Variants in PPIG observed in about 807,000 individuals in gnomAD.
PPIG encodes peptidyl-prolyl cis-trans isomerase G.
A neutral mutation model predicts 87.9 loss-of-function variants in PPIG; 26 were observed. The observed-to-expected ratio is 0.30, with a 90% CI of 0.22 to 0.41. The LOEUF (loss-of-function observed/expected upper bound fraction) is 0.41, where lower values mean the gene tolerates loss of function less well. Ranked by LOEUF, PPIG falls within the 10% of genes least tolerant of loss-of-function variation. The probability of loss-of-function intolerance (pLI) is 1.00; values close to 1 mark genes in which losing one functional copy is unlikely to be tolerated. For missense variants in PPIG, 722 were observed against 879.4 expected (o/e 0.82, Z 2.26); for synonymous variants, 308 against 276.5 (o/e 1.11, Z -1.13).
In PPIG at chr2:169,606,056, A is replaced by G; in HGVS notation, c.154A>G (p.Lys52Glu). The change falls in exon 5 of 14, where the codon AAA (lysine) becomes GAA (glutamate). Residue 52 changes from lysine to glutamate, a missense_variant. Lys to Glu is a moderately conservative substitution (Grantham distance 56, BLOSUM62 1). Coordinates refer to ENST00000260970, the MANE Select transcript of PPIG (RefSeq NM_004792.3). Reference sequence around the variant, plus strand: ...CTCTATAGGTGAAAAGGGGACCGGGAAATCAACTCAGAAACCATTACATTA... The same window carrying G: ...CTCTATAGGTGAAAAGGGGACCGGGGAATCAACTCAGAAACCATTACATTA... ...CLCTGEKGTG[K>E]STQKPLHYKS... 1 of 1,611,846 alleles carries G rather than the reference A, an allele frequency of 6.2e-7. No homozygotes were observed. Among genetic ancestry groups the G allele is most frequent in the East Asian group, 2.2e-5 (1 of 44,830 alleles).
chr2:169,633,285 C>A, intron 12 of PPIG, 38 bp downstream of exon 12: 1 of 1,393,506 alleles, frequency 7.2e-7, no homozygotes, highest in Non-Finnish European at 1.0e-6. Flanking sequence ...CACAATATTG[C>A]ATTTGTCTTC....
At chr2:169,617,110 A>T (rs1685625670) in intron 9 of PPIG, among the ~76,000 whole-genome samples, 1 of 152,224 alleles carries the variant, frequency 6.6e-6, no homozygotes, top group Non-Finnish European at 1.5e-5. Context: ...CCATTTACTA[A>T]ATAGGAATCC....
At chr2:169,592,497 G>A (rs1684896168) in intron 1 of PPIG, among the ~76,000 whole-genome samples, 1 of 151,724 alleles carries the variant, frequency 6.6e-6, no homozygotes, top group Non-Finnish European at 1.5e-5. Context: ...GGGGAGACGG[G>A]GTTTCACCAT....
At chr2:169,592,848 G>C (rs1227791905) in intron 1 of PPIG, among the ~76,000 whole-genome samples, 1 of 152,146 alleles carries the variant, frequency 6.6e-6, no homozygotes, top group Admixed American at 6.6e-5. Flanking sequence ...TAGCATTTCA[G>C]TAATGTTAGC....
Position 169,636,550 on chromosome 2 carries a change from C to T in PPIG, c.1292C>T (p.Ser431Phe), listed in dbSNP as rs765415648. The T allele has an allele frequency of 8.1e-6, 13 of 1,608,984 alleles. No individual in the cohort carries two copies. In the Admixed American group the frequency reaches 1.5e-4, roughly 19 times the overall value. Reference protein sequence around the residue: ...EKEKKVKDHKSNSKERDIRRN... With the variant: ...EKEKKVKDHKFNSKERDIRRN... ...GAGAAGAAAGTTAAAGACCATAAAT[C>T]TAACAGCAAAGAGAGAGACATCAGA... The change falls in exon 14 of 14, where the codon TCT becomes TTT. Residue 431 changes from serine to phenylalanine, a missense_variant. Coordinates refer to ENST00000260970, the MANE Select transcript of PPIG (RefSeq NM_004792.3).
At position 169,630,929 on chromosome 2, in the gene PPIG, C is replaced by A. The variant is rs781088014; in HGVS notation, c.703C>A (p.Arg235=). 1.3e-6 allele frequency: 2 copies of A among 1,599,684 alleles called. No individual in the cohort carries two copies. Among genetic ancestry groups the A allele is most frequent in the South Asian group, 2.3e-5 (2 of 86,734 alleles). ...EKSKKRKKKH[R]KNSRKHKKEK... ...ATCAAAGAAAAGAAAAAAGAAACAT[C>A]GGAAAAATTCCCGAAAACACAAGAA... is the stretch of plus-strand genomic sequence containing the variant. Residue 235 remains arginine, a synonymous_variant, in exon 10 of 14, where the codon CGG becomes AGG. Coordinates refer to ENST00000260970, the MANE Select transcript of PPIG (RefSeq NM_004792.3).
Position 169,622,779 on chromosome 2 carries a change from T to C in PPIG, c.548-7995T>C, listed in dbSNP as rs1410226634. On this transcript the variant is annotated intron_variant, in intron 9 of 13. Transcript: ENST00000260970. ...TTCAGAACATTGGTCAGAGTAGATT[T>C]TGTCATGCATCTTACATATAAGCAG... Among the ~76,000 whole-genome samples the C allele has an allele frequency of 2.6e-5, 4 of 152,224 alleles. No individual in the cohort carries two copies. The East Asian group carries it at 7.7e-4, about 29-fold the overall frequency.
intron 10 of PPIG, among the ~76,000 whole-genome samples, 194 bp downstream of exon 10, chr2:169,631,181 A>G (rs1686043192): frequency 1.3e-5 from 2 of 152,136 alleles, no homozygotes. Context: ...AAAACCTATC[A>G]GTTCATTTTT....
Position 169,633,835 on chromosome 2 carries a change from CCTT to C in PPIG, c.1017+589_1017+591del, listed in dbSNP as rs1250185399. Among the ~76,000 whole-genome samples the C allele has an allele frequency of 3.3e-4, 48 of 146,734 alleles. 1 individual carries two copies. The highest frequency in any genetic ancestry group is 2.6e-4 in the Non-Finnish European group (17 of 66,354). On this transcript the variant is annotated intron_variant, in intron 12 of 13. Transcript: ENST00000260970. Reference sequence around the variant, plus strand: ...CCTTGTAATATTCTTTCCACCCCCCCCTTTTTTTTTTTTGAGATGGAGTCTCAG... The same window carrying C: ...CCTTGTAATATTCTTTCCACCCCCCCTTTTTTTTTTGAGATGGAGTCTCAG...
In PPIG at chr2:169,609,838, T is replaced by G. The variant is rs1254973957; in HGVS notation, c.377+1080T>G. ...TCTATTGATGCTAAATTTAGAGGGGTGATTTCAGTGAGAAACTAGATGTTT... is the reference window on the plus strand; with the variant it reads ...TCTATTGATGCTAAATTTAGAGGGGGGATTTCAGTGAGAAACTAGATGTTT... On this transcript the variant is annotated intron_variant, in intron 7 of 13. Coordinates refer to ENST00000260970, the MANE Select transcript of PPIG (RefSeq NM_004792.3). Among the ~76,000 whole-genome samples, 3 of 152,120 alleles carry G rather than the reference T, an allele frequency of 2.0e-5. No individual in the cohort carries two copies. The East Asian group carries it at 5.8e-4, about 29-fold the overall frequency.
intron 7 of PPIG, 115 bp from the exon 8 acceptor site, chr2:169,614,349 T>C (rs1180176925): frequency 6.4e-6 from 6 of 933,070 alleles, no homozygotes; most frequent in Non-Finnish European, 1.0e-5. Context: ...TAGCAGTTGA[T>C]GTCTTTGTTT....
chr2:169,627,436 T>A (rs538310986), intron 9 of PPIG, among the ~76,000 whole-genome samples: 1 of 152,224 alleles, frequency 6.6e-6, no homozygotes. Flanking sequence ...CTAGAATGTT[T>A]TCTTCAAAAG....
chr2:169,598,236 C>T (rs755568416), intron 1 of PPIG, among the ~76,000 whole-genome samples: 26 of 152,110 alleles, frequency 1.7e-4, no homozygotes, highest in Non-Finnish European at 3.4e-4. Flanking sequence ...TGGACTCAAG[C>T]AATCCACCTG....
chr2:169,603,976 A>G lies in PPIG; in HGVS notation c.-16-50A>G. 2.8e-6 allele frequency: 4 copies of G among 1,414,514 alleles called. No individual in the cohort carries two copies. The South Asian group carries it at 4.9e-5, about 17-fold the overall frequency. 87.6% of individuals were successfully genotyped at this position (1,414,514 alleles called of 1,614,324 possible). On this transcript the variant is annotated intron_variant, in intron 2 of 13. Transcript: ENST00000260970. ...AATTTTTTTTCCAGAAATTTGTGAAAGATCTTTGCTATTTTAGTCTGCTTG... is the reference window on the plus strand; with the variant it reads ...AATTTTTTTTCCAGAAATTTGTGAAGGATCTTTGCTATTTTAGTCTGCTTG...
At chr2:169,636,364 C>T (rs759226499) in intron 13 of PPIG, 49 bp from the exon 14 acceptor site, 1 of 1,477,228 alleles carries the variant, frequency 6.8e-7, no homozygotes, top group Admixed American at 2.4e-5. Context: ...ATAATATCTA[C>T]AGTTCTTTTC....
In PPIG at chr2:169,640,620, T is replaced by C. The variant is rs990553358; in HGVS notation, c.*3097T>C. 3 of 152,206 alleles carry C rather than the reference T, an allele frequency of 2.0e-5. No homozygotes were observed. The highest frequency in any genetic ancestry group is 7.2e-5 in the African/African-American group (3 of 41,464). The allele number at this position is 152,206 out of a possible 1,614,324, so 9.4% of individuals were successfully genotyped here. On this transcript the variant is annotated 3_prime_UTR_variant, in exon 14 of 14. Transcript: ENST00000260970. ...AAAATGGGTGTTCTTCTGTTTCCTTTTGATTATGTTTACTGTAATTATTTC... is the reference window on the plus strand; with the variant it reads ...AAAATGGGTGTTCTTCTGTTTCCTTCTGATTATGTTTACTGTAATTATTTC...
chr2:169,593,848 G>C (rs1684940517), intron 1 of PPIG, among the ~76,000 whole-genome samples: 2 of 150,442 alleles, frequency 1.3e-5, no homozygotes, highest in South Asian at 2.1e-4. Context: ...GTAGAGACGG[G>C]GTTTCACCAT....
In PPIG at chr2:169,638,956, G is replaced by T. The variant is rs1686251778; in HGVS notation, c.*1433G>T. 1 of 151,950 alleles carries T rather than the reference G, an allele frequency of 6.6e-6. No individual in the cohort carries two copies. The highest frequency in any genetic ancestry group is 1.5e-5 in the Non-Finnish European group (1 of 67,904). 9.4% of individuals were successfully genotyped at this position (151,950 alleles called of 1,614,324 possible). A position where few individuals can be genotyped will look rare whatever the true frequency, so the allele number is the denominator to read the frequency against. On this transcript the variant is annotated 3_prime_UTR_variant, in exon 14 of 14. Transcript: ENST00000260970. Reference sequence around the variant, plus strand: ...TATTTGTCAGTGTAGTGTCAACTCTGTTACCAAGGTAGCTTCTTGGTAAAT... The same window carrying T: ...TATTTGTCAGTGTAGTGTCAACTCTTTTACCAAGGTAGCTTCTTGGTAAAT...
At position 169,630,946 on chromosome 2, in the gene PPIG, A is replaced by G; in HGVS notation, c.720A>G (p.Lys240=). ...AGAAACATCGGAAAAATTCCCGAAA[A>G]CACAAGAAAGAAAAGAAAAAGCGAA... The part of the protein sequence containing the change: ...RKKKHRKNSR[K]HKKEKKKRKK... The change falls in exon 10 of 14, where the codon AAA becomes AAG. Residue 240 remains lysine, a synonymous_variant. Transcript: ENST00000260970. 6.3e-7 allele frequency: 1 copy of G among 1,598,138 alleles called. No homozygotes were observed. The highest frequency in any genetic ancestry group is 8.5e-7 in the Non-Finnish European group (1 of 1,176,408).
Sources: allele counts gnomAD v4.1 joint callset (sites outside exome capture counted in the v4.1 genomes callset), GRCh38; gene constraint gnomAD v4.1.1; transcripts MANE v1.5; gene names NCBI Gene and HGNC (gene_info 2026-07-23, HGNC 2026-07-21).